CTBP2: variants seen among roughly 807,000 people sequenced by gnomAD.
CTBP2 encodes C-terminal binding protein 2.
In CTBP2, 30 loss-of-function variants were observed where a neutral mutation model predicts 80.3. The observed-to-expected ratio is 0.37, with a 90% CI of 0.28 to 0.51. The LOEUF (loss-of-function observed/expected upper bound fraction) is 0.51. Among genes scored for constraint, CTBP2 ranks in the 20% least tolerant of loss-of-function variants. The probability of loss-of-function intolerance (pLI) is 0.93; values close to 1 mark genes in which losing one functional copy is unlikely to be tolerated. For missense variants in CTBP2, 1,212 were observed against 1,375.3 expected (o/e 0.88, Z 1.88); for synonymous variants, 594 against 587.4 (o/e 1.01, Z -0.16).
intron 2 of CTBP2, among the ~76,000 whole-genome samples, chr10:125,068,778 A>G (rs1350660364): frequency 6.6e-6 from 1 of 152,132 alleles, no homozygotes; most frequent in Non-Finnish European, 1.5e-5. Flanking sequence ...GGGAGTCTTG[A>G]GACCAGCAGG....
In CTBP2 at chr10:125,003,469, C is replaced by T. The variant is rs371796986; in HGVS notation, c.1702G>A (p.Gly568Ser). The T allele has an allele frequency of 6.4e-6, 10 of 1,566,798 alleles. No homozygotes were observed. Among genetic ancestry groups the T allele is most frequent in the East Asian group, 2.3e-5 (1 of 43,872 alleles). The change falls in exon 2 of 9, where the codon GGC (glycine) becomes AGC (serine). Residue 568 changes from glycine to serine, a missense_variant. Physicochemically the swap from Gly to Ser is moderately conservative, Grantham distance 56. This residue lies in a region of CTBP2 where 29 missense variants were observed against 88.3 expected (regional missense o/e 0.33). Transcript: ENST00000309035. ...ACCAGGGGGCGGGGGTGCAGGGGGC[C>T]GTTCATGATCTGGGGGCGGATACCT...
At chr10:125,118,306 C>T (rs1564961813) in intron 1 of CTBP2, among the ~76,000 whole-genome samples, 1 of 152,120 alleles carries the variant, frequency 6.6e-6, no homozygotes, top group Non-Finnish European at 1.5e-5. Flanking sequence ...TCTAGAAGTG[C>T]CCCATCCGAA....
At chr10:125,046,803 A>C (rs564523521) in intron 2 of CTBP2, among the ~76,000 whole-genome samples, 6 of 152,332 alleles carry the variant, frequency 3.9e-5, no homozygotes, top group South Asian at 4.1e-4. Context: ...CAAATCTAAA[A>C]ACCAGGCTTT....
At chr10:125,032,678 C>A (rs532520045), upstream of CTBP2, 2 of 154,800 alleles carry the variant, frequency 1.3e-5, no homozygotes, top group African/African-American at 4.8e-5. Context: ...CCATTCATCA[C>A]GTGCTTTTCA....
At chr10:125,099,479 C>T (rs1209321637) in intron 2 of CTBP2, among the ~76,000 whole-genome samples, 2 of 152,154 alleles carry the variant, frequency 1.3e-5, no homozygotes, top group East Asian at 1.9e-4. Context: ...ACTCAGCCCT[C>T]CCCCCAAGTT....
rs771574872 is a variant in CTBP2, at chr10:125,026,474, T to C, written c.1286A>G (p.His429Arg). The change falls in exon 1 of 9, where the codon CAT (histidine) becomes CGT (arginine). Residue 429 changes from histidine to arginine, a missense_variant. Coordinates refer to ENST00000309035, the MANE Select transcript of CTBP2 (RefSeq NM_022802.3). ...GGAGTTGGAGGGGAAGTGTGGGGCATGGGTGCCCACGCCAGGGGCAGAATA... is the reference window on the plus strand; with the variant it reads ...GGAGTTGGAGGGGAAGTGTGGGGCACGGGTGCCCACGCCAGGGGCAGAATA... The C allele has an allele frequency of 3.7e-5, 59 of 1,600,440 alleles. No homozygotes were observed. The highest frequency in any genetic ancestry group is 4.4e-5 in the Non-Finnish European group (52 of 1,170,852).
At chr10:125,124,018 C>T (rs144237577) in intron 1 of CTBP2, among the ~76,000 whole-genome samples, 1 of 152,352 alleles carries the variant, frequency 6.6e-6, no homozygotes, top group African/African-American at 2.4e-5. Flanking sequence ...ATCGAAACTA[C>T]AGAGCAGGCT....
At chr10:125,009,954 AAAC>A (rs1468897391) in intron 1 of CTBP2, among the ~76,000 whole-genome samples, 2 of 152,162 alleles carry the variant, frequency 1.3e-5, no homozygotes, top group African/African-American at 2.4e-5. Context: ...CGTGGGATCT[AAAC>A]AACAACAAAT....
upstream of CTBP2, among the ~76,000 whole-genome samples, chr10:125,029,249 T>TG (rs1161188838): frequency 6.6e-6 from 1 of 151,380 alleles, no homozygotes; most frequent in South Asian, 2.1e-4. Flanking sequence ...GACACAGTTT[T>TG]TTTTTTTTTT....
intron 1 of CTBP2, among the ~76,000 whole-genome samples, chr10:125,010,598 C>G (rs1250494825): frequency 1.3e-5 from 2 of 152,174 alleles, no homozygotes; most frequent in African/African-American, 4.8e-5. Context: ...CACATTCTTC[C>G]TGAAGCCAGG....
chr10:125,002,258 C>T (rs1462653152), intron 3 of CTBP2, among the ~76,000 whole-genome samples: 1 of 152,228 alleles, frequency 6.6e-6, no homozygotes, highest in African/African-American at 2.4e-5. Flanking sequence ...ACGCTCGATG[C>T]CAGCGGTCTG....
At chr10:124,999,108 G>C (rs1334636880) in intron 3 of CTBP2, 1 of 152,338 alleles carries the variant, frequency 6.6e-6, no homozygotes, top group Non-Finnish European at 1.5e-5. Flanking sequence ...CCAGAGGCCT[G>C]CTTGCAGCAG....
intron 2 of CTBP2, among the ~76,000 whole-genome samples, chr10:125,040,594 C>CCACACACACACACACA (rs1478224701): frequency 2.2e-5 from 2 of 92,748 alleles, no homozygotes; most frequent in African/African-American, 1.2e-4. Context: ...ACCACCACAA[C>CCACACACACACACACA]CACATACACA....
chr10:125,137,459 A>G (rs924528354), intron 1 of CTBP2, among the ~76,000 whole-genome samples: 17 of 152,328 alleles, frequency 1.1e-4, no homozygotes, highest in African/African-American at 4.1e-4. Context: ...GGTGACCTGC[A>G]CATACAACAT....
chr10:125,003,251 G>A (rs913389958), intron 2 of CTBP2, 87 bp downstream of exon 4: 200 of 1,584,198 alleles, frequency 1.3e-4, no homozygotes, highest in Non-Finnish European at 1.6e-4. Flanking sequence ...GGGGCCTGCC[G>A]GTGACTTGGG....
intron 1 of CTBP2, among the ~76,000 whole-genome samples, chr10:125,018,897 C>T (rs1313504236): frequency 1.3e-5 from 2 of 152,248 alleles, no homozygotes; most frequent in Non-Finnish European, 2.9e-5. Flanking sequence ...CACAGGCTGC[C>T]CCATGTCCCA....
chr10:125,141,578 A>G (rs1591047315), intron 1 of CTBP2, among the ~76,000 whole-genome samples: 1 of 152,300 alleles, frequency 6.6e-6, no homozygotes, highest in South Asian at 2.1e-4. Flanking sequence ...CAGAAGTCAC[A>G]GGAGCACGGA....
At chr10:125,018,564 CAAACA>C (rs1956745753) in intron 1 of CTBP2, among the ~76,000 whole-genome samples, 1 of 81,664 alleles carries the variant, frequency 1.2e-5, no homozygotes, top group Admixed American at 1.2e-4. Context: ...AACAAACAAA[CAAACA>C]AACAAACAAA....
rs1565079309 is a variant in CTBP2 at position 125,160,308 on chromosome 10, G to GC, written c.-206+10dup. The GC allele has an allele frequency of 6.6e-6, 1 of 150,774 alleles. No homozygotes were observed. Among genetic ancestry groups the GC allele is most frequent in the African/African-American group, 2.5e-5 (1 of 40,746 alleles). 9.3% of individuals were successfully genotyped at this position (150,774 alleles called of 1,614,324 possible). A position where few individuals can be genotyped will look rare whatever the true frequency, so the allele number is the denominator to read the frequency against. ...GCGGCGGCCCCAGCCCTCCCCCGGGGCCCCCCTTACCTCGTCCCGGACGGT... is the reference window on the plus strand; with the variant it reads ...GCGGCGGCCCCAGCCCTCCCCCGGGGCCCCCCCTTACCTCGTCCCGGACGGT... On this transcript the variant is annotated intron_variant, in intron 1 of 10. Coordinates refer to the CTBP2 transcript ENST00000337195.
Sources: gnomAD v4.1 joint callset for allele counts (sites outside exome capture counted in the v4.1 genomes callset) on GRCh38, gnomAD v4.1.1 for gene constraint, gnomAD v4.1.1 regional missense constraint, MANE v1.5 for transcripts, NCBI Gene and HGNC (gene_info 2026-07-23, HGNC 2026-07-21) for gene names.